Variants in UBXN11 observed in about 807,000 individuals in gnomAD.
The protein encoded by UBXN11 is UBX domain protein 11.
In UBXN11, 47 loss-of-function variants were observed where a neutral mutation model predicts 62.8. The ratio of observed to expected loss-of-function variants is 0.75; its 90% CI spans 0.59 to 0.95. UBXN11 has a LOEUF of 0.95. Ranked by LOEUF, UBXN11 falls within the 40% of genes least tolerant of loss-of-function variation. UBXN11 has a pLI of 0.00. For synonymous variants in UBXN11, 294 were observed against 267.0 expected (o/e 1.10, Z -0.99); for missense variants, 638 against 661.7 (o/e 0.96, Z 0.39).
At chr1:26,297,300 C>T in intron 6 of UBXN11, 127 bp downstream of exon 6, 1 of 1,178,458 alleles carries the variant, frequency 8.5e-7, no homozygotes, top group Non-Finnish European at 1.2e-6. Flanking sequence ...GCTCAGCTGT[C>T]CAGACCCCAC....
intron 4 of UBXN11, among the ~76,000 whole-genome samples, chr1:26,300,209 C>T (rs150942772): frequency 4.6e-5 from 7 of 152,302 alleles, no homozygotes; most frequent in African/African-American, 1.7e-4. Context: ...CACTGAGCAC[C>T]TCGCGTGACA....
rs563587167 is a variant in UBXN11, at chr1:26,297,033, G to C, written c.356-38C>G. ...ACAGGGACAGGCTTCAGCTGCCCCAGCAAGACACTGCCAGGTCACCTCTGC... is the reference window on the plus strand; with the variant it reads ...ACAGGGACAGGCTTCAGCTGCCCCACCAAGACACTGCCAGGTCACCTCTGC... On this transcript the variant is annotated intron_variant, in intron 6 of 14. Coordinates refer to ENST00000374222, the MANE Select transcript of UBXN11 (RefSeq NM_001389556.1). 37 of 1,570,276 alleles carry C rather than the reference G, an allele frequency of 2.4e-5. No individual in the cohort carries two copies. In the South Asian group the frequency reaches 3.3e-4, roughly 14 times the overall value.
intron 8 of UBXN11, among the ~76,000 whole-genome samples, chr1:26,287,923 G>A (rs372069903): frequency 2.2e-5 from 3 of 137,312 alleles, no homozygotes; most frequent in East Asian, 2.1e-4. Context: ...TTTTTTTTCC[G>A]AGAAAGGGTC....
In UBXN11 at chr1:26,298,043, C is replaced by T. The variant is rs762766071; in HGVS notation, c.219G>A (p.Ser73=). 26 of 1,613,558 alleles carry T rather than the reference C, an allele frequency of 1.6e-5. No individual in the cohort carries two copies. The highest frequency in any genetic ancestry group is 2.7e-5 in the African/African-American group (2 of 74,924). The change falls in exon 5 of 15, where the codon TCG becomes TCA. Residue 73 remains serine (S), a synonymous_variant. Coordinates refer to ENST00000374222, the MANE Select transcript of UBXN11 (RefSeq NM_001389556.1). ...TCCTCGTCATGAAGGCCATCAGCTC[C>T]GAGTCATGGGATGCAGGGACTGCCA... is the stretch of plus-strand genomic sequence containing the variant. ...VSRQVPASHD[S]ELMAFMTRKL...
chr1:26,305,559 G>A (rs114378413), intron 1 of UBXN11, among the ~76,000 whole-genome samples: 2,469 of 151,358 alleles, frequency 0.016, 72 homozygotes, highest in African/African-American at 0.056. Flanking sequence ...CTATAGACTT[G>A]CCCACACTGC....
intron 1 of UBXN11, 86 bp from the exon 2 acceptor site, chr1:26,303,004 T>C: frequency 1.2e-6 from 1 of 860,758 alleles, no homozygotes; most frequent in Non-Finnish European, 1.8e-6. Flanking sequence ...CTTCCCTGGC[T>C]ACTCTTCCTA....
chr1:26,298,182 G>A (rs2073442514), intron 4 of UBXN11, 120 bp from the exon 5 acceptor site: 1 of 949,882 alleles, frequency 1.1e-6, no homozygotes, highest in Middle Eastern at 2.1e-4. Context: ...AGCTCCCACT[G>A]GCATCATAGG....
At chr1:26,283,252 G>C (rs2073046212) in intron 12 of UBXN11, among the ~76,000 whole-genome samples, 1 of 152,130 alleles carries the variant, frequency 6.6e-6, no homozygotes, top group Admixed American at 6.6e-5. Context: ...AATGACAACT[G>C]AGCTGTGACT....
At chr1:26,282,984 A>G (rs745546861) in intron 12 of UBXN11, 47 bp from the exon 13 acceptor site, 1 of 1,612,486 alleles carries the variant, frequency 6.2e-7, no homozygotes, top group Non-Finnish European at 8.5e-7. Context: ...GCCCCATTTG[A>G]GTCATCCCCA....
chr1:26,303,146 C>T (rs769089219), intron 1 of UBXN11: 16 of 365,936 alleles, frequency 4.4e-5, no homozygotes, highest in Non-Finnish European at 6.5e-5. Context: ...AGACCTTTGG[C>T]CTGGTGGTGC....
chr1:26,304,612 G>T (rs1234269980), intron 1 of UBXN11, among the ~76,000 whole-genome samples: 1 of 152,140 alleles, frequency 6.6e-6, no homozygotes, highest in Admixed American at 6.6e-5. Context: ...AATTAGCCGG[G>T]CTTGGTGGCA....
chr1:26,317,041 C>T (rs1448257497), intron 1 of UBXN11, among the ~76,000 whole-genome samples: 1 of 149,698 alleles, frequency 6.7e-6, no homozygotes, highest in African/African-American at 2.5e-5. Flanking sequence ...CTAGCCTAGC[C>T]AACATGGTGA....
At chr1:26,296,568 C>CT (rs1268567846) in intron 7 of UBXN11, among the ~76,000 whole-genome samples, 4 of 152,150 alleles carry the variant, frequency 2.6e-5, no homozygotes, top group African/African-American at 2.4e-5. Flanking sequence ...GGCCTCATGG[C>CT]TGGAGGGGAG....
chr1:26,317,149 G>C (rs965218029), intron 1 of UBXN11, among the ~76,000 whole-genome samples: 10 of 151,536 alleles, frequency 6.6e-5, no homozygotes, highest in Non-Finnish European at 1.5e-4. Context: ...GCCAAGGCAG[G>C]ATAATTGCTT....
chr1:26,307,150 G>T (rs2073687933), upstream of UBXN11, among the ~76,000 whole-genome samples: 1 of 152,144 alleles, frequency 6.6e-6, no homozygotes, highest in Non-Finnish European at 1.5e-5. Context: ...CCGGAAGGGC[G>T]GCCCAAATTC....
intron 8 of UBXN11, 107 bp downstream of exon 8, chr1:26,294,098 C>T: frequency 6.6e-7 from 1 of 1,512,314 alleles, no homozygotes; most frequent in Non-Finnish European, 8.9e-7. Context: ...CGTCTTGGGT[C>T]AGGGACCCGG....
intron 1 of UBXN11, among the ~76,000 whole-genome samples, chr1:26,315,981 A>C (rs1319155439): frequency 9.6e-5 from 2 of 20,908 alleles, no homozygotes; most frequent in South Asian, 8.5e-4. Context: ...TTTTTTTGAG[A>C]CAGGGTCTTG....
chr1:26,284,166 C>A lies in UBXN11; in HGVS notation c.1053G>T (p.Arg351=). 1 of 1,612,216 alleles carries A rather than the reference C, an allele frequency of 6.2e-7. No individual in the cohort carries two copies. ...CCTGCAAGGTGTCCCTGATGGGGCC[C>A]CGGATGTCAATCACCTCGCCTTGCC... The part of the protein sequence containing the change: ...VIRQGEVIDI[R]GPIRDTLQNC... Residue 351 remains arginine (R), a synonymous_variant, in exon 12 of 15, where the codon CGG becomes CGT. Transcript: ENST00000374222.
intron 10 of UBXN11, chr1:26,285,051 C>A (rs1331048121): frequency 1.6e-5 from 16 of 1,014,322 alleles, no homozygotes; most frequent in Non-Finnish European, 1.8e-5. Context: ...GCCAGCTCTA[C>A]CTCATGTCTT....
Sources: allele counts gnomAD v4.1 joint callset (sites outside exome capture counted in the v4.1 genomes callset), GRCh38; gene constraint gnomAD v4.1.1; transcripts MANE v1.5; gene names NCBI Gene and HGNC (gene_info 2026-07-23, HGNC 2026-07-21).